The following ZFHX3 variants were observed in gnomAD, a reference collection of about 807,000 sequenced individuals.
ZFHX3 encodes the protein zinc finger homeobox protein 3.
Under a neutral mutation model 279.1 loss-of-function variants are expected in ZFHX3, and 42 were observed. The observed-to-expected ratio is 0.15, with a 90% CI of 0.12 to 0.19. The LOEUF (loss-of-function observed/expected upper bound fraction) is 0.19, where lower values mean the gene tolerates loss of function less well. ZFHX3 is among the 10% of genes least tolerant of loss of function. ZFHX3 has a pLI of 1.00. For missense variants in ZFHX3, 4,981 were observed against 4,754.0 expected, an observed-to-expected ratio of 1.05 and a Z score of -1.40; for synonymous variants, 2,293 against 1,957.8, an observed-to-expected ratio of 1.17 and a Z score of -4.52.
intron 5 of ZFHX3, among the ~76,000 whole-genome samples, chr16:73,174,354 G>A (rs1448669292): frequency 2.0e-5 from 3 of 152,100 alleles, no homozygotes; most frequent in Non-Finnish European, 2.9e-5. Flanking sequence ...CAGGCAACGG[G>A]CATTTAAGTT....
chr16:73,756,529 C>G (rs2053810730), intron 1 of ZFHX3, among the ~76,000 whole-genome samples: 1 of 152,148 alleles, frequency 6.6e-6, no homozygotes. Flanking sequence ...AATGCACAGG[C>G]AGATTGATCC....
intron 1 of ZFHX3, among the ~76,000 whole-genome samples, chr16:73,844,024 G>A (rs1961382171): frequency 6.6e-6 from 1 of 152,232 alleles, no homozygotes; most frequent in Non-Finnish European, 1.5e-5. Flanking sequence ...GCAGCGGGCT[G>A]TGGATTGCCA....
At position 72,796,323 on chromosome 16, in the gene ZFHX3, G is replaced by A. The variant is rs2143430217; in HGVS notation, c.6359C>T (p.Pro2120Leu). 6.2e-7 allele frequency: 1 copy of A among 1,614,110 alleles called. No individual in the cohort carries two copies. The highest frequency in any genetic ancestry group is 8.5e-7 in the Non-Finnish European group (1 of 1,180,020). The part of the protein sequence containing the change: ...LPAQLPPQLG[P>L]VEPLPADLAQ... ...CAGGTCCGCAGGCAGAGGCTCCACA[G>A]GTCCCAGCTGCGGGGGTAGCTGAGC... The change falls in exon 9 of 10, where the codon CCT (proline) becomes CTT (leucine). Residue 2120 changes from proline (P) to leucine (L), a missense_variant. Coordinates refer to ENST00000268489, the MANE Select transcript of ZFHX3 (RefSeq NM_006885.4).
chr16:73,383,064 C>CT (rs746114116), intron 3 of ZFHX3, among the ~76,000 whole-genome samples: 2 of 152,326 alleles, frequency 1.3e-5, no homozygotes, highest in Non-Finnish European at 2.9e-5. Flanking sequence ...AGAGCACATG[C>CT]TTGGCCGCTC....
intron 5 of ZFHX3, among the ~76,000 whole-genome samples, chr16:73,193,752 A>T (rs953285191): frequency 3.3e-5 from 5 of 152,126 alleles, no homozygotes; most frequent in African/African-American, 1.2e-4. Flanking sequence ...TAACTCTGCC[A>T]CTTTCCCTCC....
intron 3 of ZFHX3, among the ~76,000 whole-genome samples, chr16:73,359,934 G>T (rs9932243): frequency 0.3 from 45,459 of 152,060 alleles, 10,886 homozygotes; most frequent in African/African-American, 0.67. Context: ...AAATAACTAT[G>T]GGTAGAAAAC....
At chr16:73,210,211 C>A (rs766400675) in intron 5 of ZFHX3, among the ~76,000 whole-genome samples, 1 of 152,070 alleles carries the variant, frequency 6.6e-6, no homozygotes, top group African/African-American at 2.4e-5. Context: ...TGTCTAAAAT[C>A]GCCAAAAGAT....
intron 1 of ZFHX3, among the ~76,000 whole-genome samples, chr16:72,977,709 A>G (rs1962410775): frequency 6.6e-6 from 1 of 152,088 alleles, no homozygotes; most frequent in Non-Finnish European, 1.5e-5. Flanking sequence ...CACCAGCATG[A>G]GCATATCACA....
intron 3 of ZFHX3, among the ~76,000 whole-genome samples, chr16:73,320,252 T>TA (rs2015548882): frequency 6.6e-6 from 1 of 152,122 alleles, no homozygotes; most frequent in African/African-American, 2.4e-5. Context: ...ACCCCTTATT[T>TA]AAAAAACAAA....
chr16:73,363,585 T>C (rs1415827601), intron 3 of ZFHX3, among the ~76,000 whole-genome samples: 1 of 152,096 alleles, frequency 6.6e-6, no homozygotes, highest in Non-Finnish European at 1.5e-5. Flanking sequence ...GGAATAATGA[T>C]AAATACAAGA....
chr16:73,015,107 T>G (rs1964055467), intron 1 of ZFHX3: 1 of 139,370 alleles, frequency 7.2e-6, no homozygotes, highest in African/African-American at 2.7e-5. Context: ...AGTGCAGTGG[T>G]GCAATCTCAA....
chr16:73,708,140 T>C (rs905872335), intron 1 of ZFHX3, among the ~76,000 whole-genome samples: 3 of 152,100 alleles, frequency 2.0e-5, no homozygotes, highest in Admixed American at 6.5e-5. Flanking sequence ...ATGAGATTTG[T>C]AACTTAGCAA....
chr16:73,059,481 TC>T, exon 1 of ZFHX3: 1 of 150,714 alleles, frequency 6.6e-6, no homozygotes, highest in East Asian at 2.0e-4. Flanking sequence ...TTTTTTCCTT[TC>T]TTCTTCCCCC....
At chr16:73,420,963 A>C (rs1326420241) in intron 3 of ZFHX3, 1 of 152,228 alleles carries the variant, frequency 6.6e-6, no homozygotes, top group Non-Finnish European at 1.5e-5. Flanking sequence ...GGTCATGCCC[A>C]TTCTCCTTCT....
At chr16:73,234,755 C>T (rs936763558) in intron 5 of ZFHX3, among the ~76,000 whole-genome samples, 6 of 152,218 alleles carry the variant, frequency 3.9e-5, no homozygotes, top group African/African-American at 1.4e-4. Context: ...AGATGTTTCT[C>T]CACTGGGCTC....
intron 5 of ZFHX3, among the ~76,000 whole-genome samples, chr16:73,238,584 T>G (rs1597236165): frequency 6.6e-6 from 1 of 152,202 alleles, no homozygotes; most frequent in African/African-American, 2.4e-5. Context: ...CAGATATGCC[T>G]TGCCCACAAT....
intron 1 of ZFHX3, among the ~76,000 whole-genome samples, chr16:73,834,885 T>C (rs1370699005): frequency 6.8e-6 from 1 of 146,114 alleles, no homozygotes; most frequent in African/African-American, 2.5e-5. Flanking sequence ...CGAGACTTCG[T>C]CTCAAAAAAA....
intron 2 of ZFHX3, among the ~76,000 whole-genome samples, chr16:73,639,444 T>C (rs540296090): frequency 1.2e-4 from 18 of 152,304 alleles, no homozygotes; most frequent in East Asian, 7.7e-4. Flanking sequence ...TAAGGTTCAA[T>C]AGTCATTGAA....
At chr16:72,885,743 G>A (rs2038607314) in intron 4 of ZFHX3, among the ~76,000 whole-genome samples, 1 of 152,162 alleles carries the variant, frequency 6.6e-6, no homozygotes, top group African/African-American at 2.4e-5. Flanking sequence ...TGTGGCATGT[G>A]GACAACAGAG....
Sources: allele counts gnomAD v4.1 joint callset (sites outside exome capture counted in the v4.1 genomes callset), GRCh38; gene constraint gnomAD v4.1.1; transcripts MANE v1.5; gene names NCBI Gene and HGNC (gene_info 2026-07-23, HGNC 2026-07-21).